The following FHOD3 variants were observed in gnomAD, a reference collection of about 807,000 sequenced individuals.
FHOD3 encodes the protein FH1/FH2 domain-containing protein 3.
FHOD3 carries 90 observed loss-of-function variants against 173.0 expected under a neutral mutation model. That is an observed-to-expected ratio of 0.52 (90% CI 0.44 to 0.62). FHOD3 has a LOEUF of 0.62. FHOD3 is among the 20% of genes least tolerant of loss of function. FHOD3 has a pLI of 0.00. For missense variants in FHOD3, 1,945 were observed against 2,034.7 expected, an observed-to-expected ratio of 0.96 and a Z score of 0.85; for synonymous variants, 828 against 823.0, an observed-to-expected ratio of 1.01 and a Z score of -0.10.
intron 1 of FHOD3, among the ~76,000 whole-genome samples, chr18:36,329,020 C>T (rs759947470): frequency 2.6e-5 from 4 of 152,134 alleles, no homozygotes; most frequent in Non-Finnish European, 5.9e-5. Context: ...GCCAGGCTGG[C>T]GGGTGTTGCC....
chr18:36,593,822 G>A (rs560367599), intron 6 of FHOD3, among the ~76,000 whole-genome samples: 2 of 152,178 alleles, frequency 1.3e-5, no homozygotes, highest in African/African-American at 4.8e-5. Context: ...CCCTCAAAGC[G>A]CATTTTGCCC....
At chr18:36,326,675 T>C (rs551046571) in intron 1 of FHOD3, among the ~76,000 whole-genome samples, 17 of 152,282 alleles carry the variant, frequency 1.1e-4, no homozygotes, top group African/African-American at 4.1e-4. Context: ...CACTTGCGCC[T>C]AGGAGTTTGA....
intron 5 of FHOD3, among the ~76,000 whole-genome samples, chr18:36,565,623 C>G (rs1599678760): frequency 6.7e-6 from 1 of 149,636 alleles, no homozygotes; most frequent in Non-Finnish European, 1.5e-5. Flanking sequence ...ATGTTTCATA[C>G]CATTCATTTA....
chr18:36,329,978 T>C (rs1387337440), intron 1 of FHOD3, among the ~76,000 whole-genome samples: 1 of 152,152 alleles, frequency 6.6e-6, no homozygotes, highest in Non-Finnish European at 1.5e-5. Context: ...AATGCAGTGA[T>C]TGATGAGTCA....
intron 5 of FHOD3, among the ~76,000 whole-genome samples, chr18:36,531,289 AC>A (rs1264120468): frequency 6.6e-6 from 1 of 152,134 alleles, no homozygotes; most frequent in Non-Finnish European, 1.5e-5. Context: ...CTGCCACATG[AC>A]CATGGCCCAG....
intron 9 of FHOD3, among the ~76,000 whole-genome samples, chr18:36,612,999 T>A (rs752387862): frequency 2.0e-4 from 31 of 152,324 alleles, no homozygotes; most frequent in Admixed American, 1.5e-3. Flanking sequence ...TCAGCATAAG[T>A]TGTTGTCTAA....
intron 20 of FHOD3, among the ~76,000 whole-genome samples, chr18:36,739,859 TC>T (rs1364333342): frequency 6.6e-6 from 1 of 152,236 alleles, no homozygotes; most frequent in Non-Finnish European, 1.5e-5. Context: ...TTTTGTAGAT[TC>T]CTTATAGTTT....
chr18:36,678,590 T>G (rs2038029513), intron 14 of FHOD3, among the ~76,000 whole-genome samples: 1 of 150,138 alleles, frequency 6.7e-6, no homozygotes. Context: ...CTTACTCTAG[T>G]TTTTAAAATT....
chr18:36,765,250 T>G (rs148095851), intron 27 of FHOD3, among the ~76,000 whole-genome samples: 1 of 152,310 alleles, frequency 6.6e-6, no homozygotes, highest in African/African-American at 2.4e-5. Flanking sequence ...AGATACTTAC[T>G]GATCTTGGCC....
intron 14 of FHOD3, among the ~76,000 whole-genome samples, chr18:36,669,578 G>C (rs928947366): frequency 2.0e-5 from 3 of 151,532 alleles, no homozygotes; most frequent in Non-Finnish European, 4.4e-5. Context: ...GATTGCATTG[G>C]GGTTTATAGT....
chr18:36,383,230 C>T (rs980115875), intron 3 of FHOD3, among the ~76,000 whole-genome samples: 9 of 151,992 alleles, frequency 5.9e-5, no homozygotes, highest in Non-Finnish European at 1.2e-4. Context: ...ATGGAAGGGG[C>T]GAGGGAATTT....
intron 1 of FHOD3, among the ~76,000 whole-genome samples, chr18:36,339,228 G>A (rs547683235): frequency 6.6e-6 from 1 of 152,202 alleles, no homozygotes; most frequent in South Asian, 2.1e-4. Flanking sequence ...GGATGGCAAG[G>A]GCACTGGGCA....
intron 10 of FHOD3, among the ~76,000 whole-genome samples, chr18:36,637,550 T>C (rs1487646296): frequency 6.6e-6 from 1 of 152,214 alleles, no homozygotes; most frequent in Non-Finnish European, 1.5e-5. Flanking sequence ...GGCACCGTAC[T>C]AGGCCCCAAC....
intron 8 of FHOD3, among the ~76,000 whole-genome samples, chr18:36,608,449 G>C (rs985477866): frequency 9.2e-5 from 14 of 152,158 alleles, no homozygotes; most frequent in Admixed American, 8.5e-4. Context: ...CTGCTTAAAG[G>C]TTCTCCCTTC....
rs1028907807 is a variant in FHOD3, at chr18:36,479,321, A to G, written c.338-22611A>G. Among the ~76,000 whole-genome samples the G allele has an allele frequency of 1.6e-4, 24 of 152,348 alleles. 1 individual carries two copies. Among genetic ancestry groups the G allele is most frequent in the Middle Eastern group, 3.4e-3 (1 of 294 alleles). ...TTGTTTGTTAAAGGACACTGAACCT[A>G]TTCATAATATAACCCTTCCTGTGTC... On this transcript the variant is annotated intron_variant, in intron 3 of 28. Coordinates refer to ENST00000590592, the MANE Select transcript of FHOD3 (RefSeq NM_001281740.3).
intron 4 of FHOD3, among the ~76,000 whole-genome samples, chr18:36,504,213 G>T (rs551401662): frequency 6.6e-6 from 1 of 152,058 alleles, no homozygotes; most frequent in East Asian, 1.9e-4. Flanking sequence ...GATCTACCAC[G>T]CCTGGCCTGG....
intron 5 of FHOD3, among the ~76,000 whole-genome samples, chr18:36,530,740 G>C (rs192934069): frequency 6.6e-6 from 1 of 152,312 alleles, no homozygotes; most frequent in East Asian, 1.9e-4. Context: ...GGGTAGAATT[G>C]CTGGTCAAGG....
At chr18:36,476,568 G>C (rs899698743) in intron 3 of FHOD3, among the ~76,000 whole-genome samples, 19 of 152,280 alleles carry the variant, frequency 1.2e-4, no homozygotes, top group African/African-American at 4.6e-4. Flanking sequence ...AAGGGCCGTA[G>C]GATACTCAGT....
chr18:36,481,967 A>G (rs905715161), intron 3 of FHOD3, among the ~76,000 whole-genome samples: 12 of 152,192 alleles, frequency 7.9e-5, no homozygotes, highest in African/African-American at 2.7e-4. Flanking sequence ...TTAGAGTTTT[A>G]AGGAATTAGG....
Sources: gnomAD v4.1 joint callset for allele counts (sites outside exome capture counted in the v4.1 genomes callset) on GRCh38, gnomAD v4.1.1 for gene constraint, MANE v1.5 for transcripts, NCBI Gene and HGNC (gene_info 2026-07-23, HGNC 2026-07-21) for gene names.